MMS22L: variants seen among roughly 807,000 people sequenced by gnomAD.
MMS22L encodes protein MMS22-like.
A neutral mutation model predicts 159.1 loss-of-function variants in MMS22L; 74 were observed. The ratio of observed to expected loss-of-function variants is 0.47; its 90% CI spans 0.39 to 0.56. The LOEUF (loss-of-function observed/expected upper bound fraction) is 0.56. Among genes scored for constraint, MMS22L ranks in the 20% least tolerant of loss-of-function variants. MMS22L has a pLI of 0.00. For missense variants in MMS22L, 1,351 were observed against 1,422.1 expected (o/e 0.95, Z 0.80); for synonymous variants, 517 against 506.9 (o/e 1.02, Z -0.27).
rs751049282 is a variant in MMS22L at position 97,228,952 on chromosome 6, G to C, written c.1981C>G (p.Arg661Gly). The C allele has an allele frequency of 6.2e-7, 1 of 1,613,916 alleles. No individual in the cohort carries two copies. Among genetic ancestry groups the C allele is most frequent in the Non-Finnish European group, 8.5e-7 (1 of 1,179,982 alleles). ...DGFSMLLRACRESELRTVLSF... is the reference protein window; with the variant it reads ...DGFSMLLRACGESELRTVLSF... ...AATACTGTCCTAAGTTCAGATTCTC[G>C]ACATGCTCGCAGAAGCATACTAAAT... The change falls in exon 14 of 25, where the codon CGA (arginine) becomes GGA (glycine). Residue 661 changes from arginine (R) to glycine (G), a missense_variant. Transcript: ENST00000683635.
intron 23 of MMS22L, among the ~76,000 whole-genome samples, chr6:97,151,006 A>G (rs1202592089): frequency 2.0e-5 from 3 of 152,196 alleles, no homozygotes; most frequent in African/African-American, 7.2e-5. Flanking sequence ...CAAATTAAAC[A>G]TAACGGAGCT....
intron 19 of MMS22L, among the ~76,000 whole-genome samples, chr6:97,172,476 A>G (rs974251663): frequency 4.6e-5 from 7 of 152,162 alleles, no homozygotes; most frequent in Non-Finnish European, 8.8e-5. Context: ...TCCAATTCCT[A>G]GTTTTGGTTA....
intron 22 of MMS22L, among the ~76,000 whole-genome samples, chr6:97,158,060 G>A (rs1037362462): frequency 5.9e-5 from 9 of 152,104 alleles, no homozygotes; most frequent in African/African-American, 1.9e-4. Context: ...GGATGTATGT[G>A]TCTAGGAATT....
intron 22 of MMS22L, among the ~76,000 whole-genome samples, chr6:97,155,527 T>C (rs1220559657): frequency 2.0e-5 from 3 of 152,146 alleles, no homozygotes; most frequent in African/African-American, 4.8e-5. Context: ...TGTGTACTCA[T>C]TGTTCAACTC....
intron 14 of MMS22L, among the ~76,000 whole-genome samples, chr6:97,222,792 C>T (rs192975761): frequency 3.4e-3 from 513 of 151,974 alleles, no homozygotes; most frequent in Non-Finnish European, 5.2e-3. Flanking sequence ...TATAAAACCC[C>T]GAAAATGGAG....
intron 14 of MMS22L, among the ~76,000 whole-genome samples, chr6:97,219,109 G>T (rs961024863): frequency 6.6e-6 from 1 of 152,120 alleles, no homozygotes; most frequent in Non-Finnish European, 1.5e-5. Context: ...GAGGATTATA[G>T]GTCTCTCCCT....
At chr6:97,250,355 T>C (rs1378579633) in intron 10 of MMS22L, among the ~76,000 whole-genome samples, 1 of 152,162 alleles carries the variant, frequency 6.6e-6, no homozygotes, top group East Asian at 1.9e-4. Flanking sequence ...CATTTTAAGG[T>C]TACATTTCAC....
chr6:97,195,637 A>C (rs942854213), intron 14 of MMS22L, among the ~76,000 whole-genome samples: 1 of 152,220 alleles, frequency 6.6e-6, no homozygotes, highest in Non-Finnish European at 1.5e-5. Context: ...AGATACAAAA[A>C]TGGTTAATCC....
At chr6:97,273,385 T>C (rs1383279037) in intron 4 of MMS22L, among the ~76,000 whole-genome samples, 2 of 152,162 alleles carry the variant, frequency 1.3e-5, no homozygotes, top group East Asian at 3.9e-4. Context: ...CCTCTTTTAT[T>C]GGCTCCTCCT....
chr6:97,208,410 A>G (rs528733439), intron 14 of MMS22L, among the ~76,000 whole-genome samples: 1 of 152,158 alleles, frequency 6.6e-6, no homozygotes, highest in East Asian at 1.9e-4. Flanking sequence ...CTGAAGTTAT[A>G]ATTATGAATA....
At chr6:97,202,456 T>C (rs1413507387) in intron 14 of MMS22L, among the ~76,000 whole-genome samples, 4 of 152,224 alleles carry the variant, frequency 2.6e-5, no homozygotes, top group Non-Finnish European at 5.9e-5. Flanking sequence ...TCTAGCATTA[T>C]GGGAGGGATC....
intron 15 of MMS22L, among the ~76,000 whole-genome samples, chr6:97,182,381 T>C (rs1804805594): frequency 1.3e-5 from 2 of 152,144 alleles, no homozygotes; most frequent in Admixed American, 1.3e-4. Context: ...AAAAGACCTA[T>C]TTATAAAATA....
At chr6:97,201,741 G>A (rs1383405086) in intron 14 of MMS22L, among the ~76,000 whole-genome samples, 1 of 152,216 alleles carries the variant, frequency 6.6e-6, no homozygotes, top group Non-Finnish European at 1.5e-5. Flanking sequence ...AGCAAAAAGA[G>A]TTTAAGCAAT....
chr6:97,165,323 A>G lies in MMS22L; in HGVS notation c.3144T>C (p.Pro1048=), dbSNP rs1236631153. The G allele has an allele frequency of 1.9e-6, 3 of 1,613,372 alleles. No individual in the cohort carries two copies. The highest frequency in any genetic ancestry group is 2.5e-6 in the Non-Finnish European group (3 of 1,179,658). ...CTGTGTTTCTCAATGCCAGCAAAAC[A>G]GGATGTTGTCCAAGATCTGAAACAT... ...SPYVSDLGQH[P]VLLALRNTAT... The change falls in exon 21 of 25, where the codon CCT becomes CCC. Residue 1048 remains proline, a synonymous_variant. Coordinates refer to ENST00000683635, the MANE Select transcript of MMS22L (RefSeq NM_001350599.2).
intron 9 of MMS22L, among the ~76,000 whole-genome samples, chr6:97,256,577 G>A (rs1190517238): frequency 6.6e-6 from 1 of 152,102 alleles, no homozygotes; most frequent in Admixed American, 6.5e-5. Context: ...GACAAATATT[G>A]TTTTGATACA....
At chr6:97,270,416 GTCATGTA>G in intron 6 of MMS22L, 1 of 362,566 alleles carries the variant, frequency 2.8e-6, no homozygotes, top group South Asian at 2.2e-5. Flanking sequence ...ACTTTAGACT[GTCATGTA>G]GACATTATTG....
At chr6:97,212,504 C>A (rs2127949247) in intron 14 of MMS22L, among the ~76,000 whole-genome samples, 2 of 152,210 alleles carry the variant, frequency 1.3e-5, no homozygotes, top group East Asian at 3.9e-4. Context: ...TCTCTGAAAC[C>A]AACACACAGT....
At chr6:97,147,841 A>G (rs1800986492) in intron 24 of MMS22L, among the ~76,000 whole-genome samples, 2 of 152,336 alleles carry the variant, frequency 1.3e-5, no homozygotes, top group South Asian at 4.1e-4. Context: ...ATGAAATGGC[A>G]TTGAAAAAAT....
rs1810551018 is a variant in MMS22L, at chr6:97,228,960, C to T, written c.1973G>A (p.Arg658Gln). The T allele has an allele frequency of 3.1e-6, 5 of 1,613,892 alleles. No homozygotes were observed. The highest frequency in any genetic ancestry group is 1.3e-5 in the African/African-American group (1 of 74,872). The change falls in exon 14 of 25, where the codon CGA becomes CAA. Residue 658 changes from arginine to glutamine, a missense_variant. Physicochemically the swap from Arg to Gln is conservative, Grantham distance 43. Transcript: ENST00000683635. ...LLNDGFSMLLRACRESELRTV... is the reference protein window; with the variant it reads ...LLNDGFSMLLQACRESELRTV... ...CCTAAGTTCAGATTCTCGACATGCTCGCAGAAGCATACTAAATCCATCATT... is the reference window on the plus strand; with the variant it reads ...CCTAAGTTCAGATTCTCGACATGCTTGCAGAAGCATACTAAATCCATCATT...
Sources: gnomAD v4.1 joint callset for allele counts (sites outside exome capture counted in the v4.1 genomes callset) on GRCh38, gnomAD v4.1.1 for gene constraint, MANE v1.5 for transcripts, NCBI Gene and HGNC (gene_info 2026-07-23, HGNC 2026-07-21) for gene names.